EPS15: variants seen among roughly 807,000 people sequenced by gnomAD.
The protein encoded by EPS15 is epidermal growth factor receptor pathway substrate 15.
Under a neutral mutation model 113.8 loss-of-function variants are expected in EPS15, and 72 were observed. The observed-to-expected ratio is 0.63, with a 90% CI of 0.52 to 0.77. The LOEUF is 0.77. Ranked by LOEUF, EPS15 falls within the 30% of genes least tolerant of loss-of-function variation. The pLI is 0.00. For missense variants in EPS15, 1,048 were observed against 1,045.8 expected (o/e 1.00, Z -0.03); for synonymous variants, 344 against 363.4 (o/e 0.95, Z 0.61).
At chr1:51,399,820 C>A (rs1191969269) in intron 19 of EPS15, among the ~76,000 whole-genome samples, 1 of 151,910 alleles carries the variant, frequency 6.6e-6, no homozygotes, top group East Asian at 1.9e-4. Context: ...CAAGACCGCA[C>A]TACTTGTACT....
intron 12 of EPS15, among the ~76,000 whole-genome samples, chr1:51,423,902 A>G (rs1039048109): frequency 6.6e-6 from 1 of 152,140 alleles, no homozygotes; most frequent in African/African-American, 2.4e-5. Flanking sequence ...GAGGACTACA[A>G]ATTTCTCTTC....
At chr1:51,388,360 A>G (rs1275025593) in intron 21 of EPS15, among the ~76,000 whole-genome samples, 1 of 152,262 alleles carries the variant, frequency 6.6e-6, no homozygotes, top group Non-Finnish European at 1.5e-5. Context: ...TGCCCACAAG[A>G]CAAAGCAGGA....
At chr1:51,422,087 G>A in intron 12 of EPS15, 1 of 1,175,544 alleles carries the variant, frequency 8.5e-7, no homozygotes, top group Non-Finnish European at 1.1e-6. Flanking sequence ...GGTGAAAAGA[G>A]GATAGATTAA....
intron 17 of EPS15, 58 bp downstream of exon 17, chr1:51,403,361 C>G: frequency 1.1e-6 from 1 of 880,292 alleles, no homozygotes; most frequent in Non-Finnish European, 1.9e-6. Flanking sequence ...GATAATTCAC[C>G]TCCTCCTGTC....
At chr1:51,390,994 G>T (rs1433644414) in intron 21 of EPS15, among the ~76,000 whole-genome samples, 1 of 152,148 alleles carries the variant, frequency 6.6e-6, no homozygotes, top group African/African-American at 2.4e-5. Flanking sequence ...AAATCATGCT[G>T]CTATAAAGAC....
At chr1:51,483,396 C>T (rs1051114400) in intron 1 of EPS15, among the ~76,000 whole-genome samples, 2 of 116,126 alleles carry the variant, frequency 1.7e-5, no homozygotes, top group Non-Finnish European at 3.6e-5. Context: ...CTCAAGACTG[C>T]AAGTGTGTGT....
Position 51,421,786 on chromosome 1 carries a change from C to G in EPS15, c.1113G>C (p.Gln371His). The G allele has an allele frequency of 6.4e-7, 1 of 1,574,720 alleles. No homozygotes were observed. Among genetic ancestry groups the G allele is most frequent in the Non-Finnish European group, 8.6e-7 (1 of 1,156,226 alleles). The change falls in exon 13 of 25, where the codon CAG (glutamine) becomes CAC (histidine). Residue 371 changes from glutamine to histidine, a missense_variant and splice_region_variant. Transcript: ENST00000371733. ...DTIKQRTSEV[Q>H]DLQDEVQREN... Reference sequence around the variant, plus strand: ...AACACTAAATTTTATGGTCACTTACCTGAACCTCACTTGTCCTCTGTTTAA... The same window carrying G: ...AACACTAAATTTTATGGTCACTTACGTGAACCTCACTTGTCCTCTGTTTAA...
chr1:51,505,421 AGAGTAT>A (rs1199979384), intron 1 of EPS15, among the ~76,000 whole-genome samples: 2 of 152,228 alleles, frequency 1.3e-5, no homozygotes, highest in African/African-American at 2.4e-5. Context: ...GGCAGTCATA[AGAGTAT>A]ATGTATTATA....
rs1646454243 is a variant in EPS15, at chr1:51,364,179, T to C, written c.2197-151A>G. 1.1e-5 allele frequency: 6 copies of C among 551,588 alleles called. No individual in the cohort carries two copies. The East Asian group carries it at 2.0e-4, about 18-fold the overall frequency. The allele number at this position is 551,588 out of a possible 1,614,324, so 34.2% of individuals were successfully genotyped here. A position where few individuals can be genotyped will look rare whatever the true frequency, so the allele number is the denominator to read the frequency against. On this transcript the variant is annotated intron_variant, in intron 22 of 24. Transcript: ENST00000371733. ...TTTAACCTTTGCATTCAGGGTCCAA[T>C]GGGAGAAATTTCTGAAAAAAAAGTT...
Position 51,488,108 on chromosome 1 carries a change from A to C in EPS15, c.34-6794T>G, listed in dbSNP as rs1570411565. Among the ~76,000 whole-genome samples, 3 of 152,218 alleles carry C rather than the reference A, an allele frequency of 2.0e-5. No individual in the cohort carries two copies. The East Asian group carries it at 5.8e-4, about 29-fold the overall frequency. On this transcript the variant is annotated intron_variant, in intron 1 of 24. Coordinates refer to ENST00000371733, the MANE Select transcript of EPS15 (RefSeq NM_001981.3). ...CTCTGGAAACTCTGAGAATAAACAC[A>C]TCCTAATTATATAATAAGAATGAAA...
intron 2 of EPS15, among the ~76,000 whole-genome samples, chr1:51,473,320 GAC>G (rs1490528697): frequency 2.6e-5 from 4 of 152,142 alleles, no homozygotes; most frequent in Non-Finnish European, 4.4e-5. Context: ...GAGGTCTTCT[GAC>G]AAATGGGAAT....
chr1:51,484,018 G>A (rs142085947), intron 1 of EPS15, among the ~76,000 whole-genome samples: 2 of 152,292 alleles, frequency 1.3e-5, no homozygotes, highest in Non-Finnish European at 2.9e-5. Context: ...GGCTGAGGCA[G>A]GAGGATTGGT....
Position 51,429,003 on chromosome 1 carries a change from C to A in EPS15, c.1041-7145G>T, listed in dbSNP as rs532726003. On this transcript the variant is annotated intron_variant, in intron 12 of 24. Transcript: ENST00000371733. ...AACTCCTGGCCTCAGGCAGTCCTCC[C>A]GCCTCAGCCTCTCAAGTAGCTAGGT... 3.9e-5 allele frequency among the ~76,000 whole-genome samples: 6 copies of A among 152,070 alleles called. No individual in the cohort carries two copies. The South Asian group carries it at 1.2e-3, about 32-fold the overall frequency.
intron 21 of EPS15, among the ~76,000 whole-genome samples, chr1:51,380,138 C>T (rs916620055): frequency 6.6e-6 from 1 of 151,282 alleles, no homozygotes; most frequent in South Asian, 2.1e-4. Flanking sequence ...GCAGGAGAAT[C>T]GCCTGAACCC....
At chr1:51,462,381 A>G (rs1461047582) in intron 7 of EPS15, among the ~76,000 whole-genome samples, 1 of 151,960 alleles carries the variant, frequency 6.6e-6, no homozygotes, top group African/African-American at 2.4e-5. Flanking sequence ...GAAAAAAAAA[A>G]AAAGAAAGGG....
intron 1 of EPS15, among the ~76,000 whole-genome samples, chr1:51,513,239 T>C (rs1486368231): frequency 6.6e-6 from 1 of 151,952 alleles, no homozygotes; most frequent in Admixed American, 6.6e-5. Flanking sequence ...TGTAAAAGAG[T>C]ATCCACTGCA....
At chr1:51,385,374 C>G (rs1455523132) in intron 21 of EPS15, among the ~76,000 whole-genome samples, 1 of 152,154 alleles carries the variant, frequency 6.6e-6, no homozygotes, top group Admixed American at 6.6e-5. Context: ...TACCACTTCA[C>G]ACCCATTAGG....
chr1:51,465,120 A>G, intron 6 of EPS15, 141 bp downstream of exon 6: 1 of 489,422 alleles, frequency 2.0e-6, no homozygotes, highest in Non-Finnish European at 3.6e-6. Context: ...GATCCCTCAG[A>G]AACACCAGTA....
chr1:51,386,024 A>T (rs1452004532), intron 21 of EPS15, among the ~76,000 whole-genome samples: 2 of 152,188 alleles, frequency 1.3e-5, no homozygotes, highest in African/African-American at 4.8e-5. Flanking sequence ...AAAAGGTTAA[A>T]ATGCCAAACT....
Sources: gnomAD v4.1 joint callset for allele counts (sites outside exome capture counted in the v4.1 genomes callset) on GRCh38, gnomAD v4.1.1 for gene constraint, MANE v1.5 for transcripts, NCBI Gene and HGNC (gene_info 2026-07-23, HGNC 2026-07-21) for gene names.